DAGLB: variants seen among roughly 807,000 people sequenced by gnomAD.
DAGLB encodes diacylglycerol lipase-beta.
A neutral mutation model predicts 72.1 loss-of-function variants in DAGLB; 66 were observed. The ratio of observed to expected loss-of-function variants is 0.92; its 90% confidence interval spans 0.75 to 1.12. The LOEUF (loss-of-function observed/expected upper bound fraction) is 1.12, where lower values mean the gene tolerates loss of function less well. Among genes scored for constraint, DAGLB ranks in the 50% most tolerant of loss-of-function variants. The pLI is 0.00. For missense variants in DAGLB, 1,065 were observed against 884.9 expected, an observed-to-expected ratio of 1.20 and a Z score of -2.58; for synonymous variants, 414 against 359.5, an observed-to-expected ratio of 1.15 and a Z score of -1.71.
In DAGLB at chr7:6,416,792, A is replaced by G. The variant is rs375662407; in HGVS notation, c.1300-38T>C. 803 of 1,614,004 alleles carry G rather than the reference A, an allele frequency of 5.0e-4. 1 individual carries two copies. Among genetic ancestry groups the G allele is most frequent in the South Asian group, 9.3e-4 (85 of 91,086 alleles). On this transcript the variant is annotated intron_variant, in intron 10 of 14. Coordinates refer to ENST00000297056, the MANE Select transcript of DAGLB (RefSeq NM_139179.4). The stretch of plus-strand genomic sequence containing the variant: ...CAGCAGAATGAGGTGAAGGGTAAAA[A>G]CAACAGCTCCAAAGAGGACAAGGAA...
chr7:6,424,626 A>G (rs1406976789), intron 8 of DAGLB, 126 bp downstream of exon 8: 4 of 883,642 alleles, frequency 4.5e-6, no homozygotes, highest in Non-Finnish European at 3.6e-6. Context: ...TCACATCCTC[A>G]TTTTCTGTCC....
intron 9 of DAGLB, 142 bp from the exon 10 acceptor site, chr7:6,417,063 C>T (rs1459505040): frequency 1.8e-5 from 17 of 922,708 alleles, no homozygotes; most frequent in Admixed American, 6.7e-5. Context: ...CCACGTCCAT[C>T]GTGCATGGCT....
At chr7:6,424,948 G>A (rs1784256446) in intron 7 of DAGLB, 113 bp from the exon 8 acceptor site, 1 of 1,024,486 alleles carries the variant, frequency 9.8e-7, no homozygotes, top group African/African-American at 1.6e-5. Flanking sequence ...GGCACAGAGA[G>A]GAGGGGACAC....
intron 2 of DAGLB, among the ~76,000 whole-genome samples, chr7:6,444,940 A>G (rs1784947580): frequency 6.6e-6 from 1 of 152,182 alleles, no homozygotes. Flanking sequence ...AAACAAAATC[A>G]TGAGCTACCA....
chr7:6,444,451 A>G (rs1209643094), intron 2 of DAGLB, among the ~76,000 whole-genome samples: 2 of 152,012 alleles, frequency 1.3e-5, no homozygotes, highest in Non-Finnish European at 2.9e-5. Flanking sequence ...AAAATACAAA[A>G]ATTAGCCAGG....
In DAGLB at chr7:6,441,457, G is replaced by A. The variant is rs10239689; in HGVS notation, c.247+4496C>T. On this transcript the variant is annotated intron_variant, in intron 2 of 14. Transcript: ENST00000297056. Reference sequence around the variant, plus strand: ...TTTTGAGACAGAGTCTCACTCTGTCGTCCAGGCTGGAGTGCAATGGCGCGA... The same window carrying A: ...TTTTGAGACAGAGTCTCACTCTGTCATCCAGGCTGGAGTGCAATGGCGCGA... Among the ~76,000 whole-genome samples, 1,221 of 137,672 alleles carry A rather than the reference G, an allele frequency of 8.9e-3. 19 individuals carry two copies. The highest frequency in any genetic ancestry group is 0.032 in the African/African-American group (1,163 of 36,484). The allele number at this position is 137,672 out of a possible 152,430, so 90.3% of individuals were successfully genotyped here.
chr7:6,415,595 T>G (rs957655272), intron 11 of DAGLB, among the ~76,000 whole-genome samples: 6 of 126,348 alleles, frequency 4.7e-5, no homozygotes, highest in African/African-American at 1.0e-4. Context: ...TCCCACCATT[T>G]TGGGAGGCCA....
chr7:6,416,093 C>A (rs1783904703), intron 11 of DAGLB, among the ~76,000 whole-genome samples: 1 of 152,218 alleles, frequency 6.6e-6, no homozygotes, highest in East Asian at 1.9e-4. Context: ...TCCCTACAAT[C>A]TGCTGCTCAG....
intron 11 of DAGLB, among the ~76,000 whole-genome samples, chr7:6,415,535 CA>C (rs1223019732): frequency 2.1e-5 from 3 of 144,484 alleles, no homozygotes; most frequent in African/African-American, 2.5e-5. Context: ...CTGGAATCAG[CA>C]AAAAAAAATA....
chr7:6,427,194 C>T (rs1223253887), intron 6 of DAGLB, among the ~76,000 whole-genome samples: 1 of 152,150 alleles, frequency 6.6e-6, no homozygotes, highest in African/African-American at 2.4e-5. Context: ...TTAGCAGATG[C>T]CCTTTTTGTA....
chr7:6,423,323 G>A (rs1354866928), intron 8 of DAGLB, among the ~76,000 whole-genome samples: 1 of 152,162 alleles, frequency 6.6e-6, no homozygotes, highest in Non-Finnish European at 1.5e-5. Context: ...CTAGAGGACT[G>A]GGGCCAAAAG....
At chr7:6,444,601 CAAAAAAT>C (rs1413336264) in intron 2 of DAGLB, among the ~76,000 whole-genome samples, 3 of 151,530 alleles carry the variant, frequency 2.0e-5, no homozygotes, top group Non-Finnish European at 4.4e-5. Flanking sequence ...GACTCTATCT[CAAAAAAT>C]AAAAATAAAA....
At chr7:6,438,529 A>C (rs540791845) in intron 2 of DAGLB, among the ~76,000 whole-genome samples, 1 of 151,994 alleles carries the variant, frequency 6.6e-6, no homozygotes, top group Non-Finnish European at 1.5e-5. Flanking sequence ...GGAGCTTGTT[A>C]TAACAATAGC....
chr7:6,420,450 AAG>A (rs1358154138), intron 9 of DAGLB, among the ~76,000 whole-genome samples: 1 of 151,672 alleles, frequency 6.6e-6, no homozygotes, highest in East Asian at 1.9e-4. Context: ...AAAAAAAAAA[AAG>A]AAAAGAAACA....
chr7:6,412,933 C>T, intron 12 of DAGLB, 33 bp downstream of exon 12: 1 of 1,613,422 alleles, frequency 6.2e-7, no homozygotes, highest in Middle Eastern at 1.6e-4. Context: ...CTCCCAACCC[C>T]CCAGCCCTGG....
intron 3 of DAGLB, 52 bp from the exon 4 acceptor site, chr7:6,435,072 C>T (rs964294275): frequency 3.1e-6 from 5 of 1,593,066 alleles, no homozygotes; most frequent in East Asian, 4.5e-5. Flanking sequence ...CCAGCCCAGA[C>T]GCAGATGTCC....
intron 6 of DAGLB, among the ~76,000 whole-genome samples, chr7:6,429,896 T>G (rs948438739): frequency 6.6e-6 from 1 of 151,750 alleles, no homozygotes; most frequent in African/African-American, 2.4e-5. Flanking sequence ...TACAAAAAAT[T>G]AGCCAGCAGT....
Position 6,442,207 on chromosome 7 carries a change from G to C in DAGLB, c.247+3746C>G, listed in dbSNP as rs533372247. On this transcript the variant is annotated intron_variant, in intron 2 of 14. Coordinates refer to ENST00000297056, the MANE Select transcript of DAGLB (RefSeq NM_139179.4). ...GGTCTGCTTCTCTGACGCATACTTG[G>C]TATGTGTGGGATGGGGGCAAAACAA... Among the ~76,000 whole-genome samples, 3 of 152,208 alleles carry C rather than the reference G, an allele frequency of 2.0e-5. No homozygotes were observed. In the East Asian group the frequency reaches 5.8e-4, roughly 29 times the overall value.
intron 2 of DAGLB, among the ~76,000 whole-genome samples, chr7:6,438,955 T>A (rs936778698): frequency 3.3e-5 from 5 of 152,150 alleles, no homozygotes; most frequent in Non-Finnish European, 7.3e-5. Context: ...GTGCGGTGGC[T>A]CACGCCTGTA....
Sources: gnomAD v4.1 joint callset for allele counts (sites outside exome capture counted in the v4.1 genomes callset) on GRCh38, gnomAD v4.1.1 for gene constraint, MANE v1.5 for transcripts, NCBI Gene and HGNC (gene_info 2026-07-23, HGNC 2026-07-21) for gene names.